RBPMS: variants seen among roughly 807,000 people sequenced by gnomAD.
RBPMS encodes the protein RNA-binding protein with multiple splicing.
RBPMS carries 7 observed loss-of-function variants against 26.8 expected under a neutral mutation model. That is an observed-to-expected ratio of 0.26 (90% CI 0.15 to 0.49). The LOEUF (loss-of-function observed/expected upper bound fraction) is 0.49. Ranked by LOEUF, RBPMS falls within the 20% of genes least tolerant of loss-of-function variation. The pLI is 0.98. For synonymous variants in RBPMS, 96 were observed against 93.3 expected (o/e 1.03, Z -0.17); for missense variants, 186 against 250.0 (o/e 0.74, Z 1.73).
Position 30,504,364 on chromosome 8 carries a change from A to C in RBPMS, c.325A>C (p.Lys109Gln). ...AKANTKMAKN[K>Q]LVGTPNPSTP... is the part of the protein sequence containing the mutation. ...GGCAAACACGAAGATGGCCAAGAACAAACTCGTAGGGACTCCAAACCCCAG... is the reference window on the plus strand; with the variant it reads ...GGCAAACACGAAGATGGCCAAGAACCAACTCGTAGGGACTCCAAACCCCAG... The change falls in exon 5 of 9, where the codon AAA (lysine) becomes CAA (glutamine). Residue 109 changes from lysine to glutamine, a missense_variant. Around this residue, in one of 3 missense-constraint regions of RBPMS, gnomAD observed 98 missense variants for 113.6 expected, o/e 0.86. Coordinates refer to ENST00000397323, the MANE Select transcript of RBPMS (RefSeq NM_001008710.3). The C allele has an allele frequency of 6.2e-7, 1 of 1,614,214 alleles. No individual in the cohort carries two copies. The highest frequency in any genetic ancestry group is 8.5e-7 in the Non-Finnish European group (1 of 1,180,002).
At chr8:30,547,332 G>T in intron 6 of RBPMS, 1 of 1,612,386 alleles carries the variant, frequency 6.2e-7, no homozygotes. Flanking sequence ...CCTGTCTTTT[G>T]TCCACTTCTC....
intron 1 of RBPMS, among the ~76,000 whole-genome samples, chr8:30,473,737 A>G (rs1408689173): frequency 6.6e-6 from 1 of 152,216 alleles, no homozygotes; most frequent in Non-Finnish European, 1.5e-5. Context: ...AATGTGGTAC[A>G]TATACACCAT....
At chr8:30,508,639 C>T (rs887526687) in intron 5 of RBPMS, among the ~76,000 whole-genome samples, 1 of 151,464 alleles carries the variant, frequency 6.6e-6, no homozygotes, top group Non-Finnish European at 1.5e-5. Flanking sequence ...TTTTTGGTAA[C>T]ATACCATAGT....
chr8:30,452,273 C>T (rs1356980905), intron 1 of RBPMS, among the ~76,000 whole-genome samples: 1 of 152,082 alleles, frequency 6.6e-6, no homozygotes. Context: ...GTCCAAGGTA[C>T]GGGAGAACTG....
At chr8:30,390,241 A>G (rs1807628533) in intron 1 of RBPMS, among the ~76,000 whole-genome samples, 1 of 152,228 alleles carries the variant, frequency 6.6e-6, no homozygotes, top group Non-Finnish European at 1.5e-5. Flanking sequence ...TATTCACAAA[A>G]CCGAGGTTGG....
At chr8:30,456,707 G>A (rs927650219) in intron 1 of RBPMS, among the ~76,000 whole-genome samples, 5 of 152,190 alleles carry the variant, frequency 3.3e-5, no homozygotes, top group Non-Finnish European at 7.3e-5. Flanking sequence ...GTATCATGAG[G>A]TCAGGAGTTT....
At chr8:30,452,858 T>A (rs1814750433) in intron 1 of RBPMS, among the ~76,000 whole-genome samples, 1 of 152,244 alleles carries the variant, frequency 6.6e-6, no homozygotes, top group Non-Finnish European at 1.5e-5. Flanking sequence ...CATTTAATAG[T>A]TACTGTTTGC....
intron 4 of RBPMS, among the ~76,000 whole-genome samples, chr8:30,496,690 ATGTT>A (rs1299039330): frequency 6.6e-6 from 1 of 152,208 alleles, no homozygotes; most frequent in African/African-American, 2.4e-5. Context: ...TATTTTAAAA[ATGTT>A]TGAGTGTCAC....
chr8:30,559,923 C>T (rs1827307551), intron 7 of RBPMS, among the ~76,000 whole-genome samples: 1 of 152,094 alleles, frequency 6.6e-6, no homozygotes, highest in South Asian at 2.1e-4. Flanking sequence ...TCTTTTTGTA[C>T]CATTAATACT....
intron 5 of RBPMS, among the ~76,000 whole-genome samples, chr8:30,528,152 G>T (rs909199806): frequency 6.6e-6 from 1 of 151,576 alleles, no homozygotes; most frequent in South Asian, 2.1e-4. Flanking sequence ...TCCAGCCTGG[G>T]CAACAAGAGC....
chr8:30,415,538 GC>G (rs1809960847), intron 1 of RBPMS, among the ~76,000 whole-genome samples: 3 of 152,182 alleles, frequency 2.0e-5, no homozygotes, highest in Non-Finnish European at 4.4e-5. Context: ...TTCTGATAAT[GC>G]ATCATCTCTT....
intron 6 of RBPMS, chr8:30,555,911 C>T (rs552735562): frequency 2.1e-5 from 21 of 984,750 alleles, no homozygotes; most frequent in Non-Finnish European, 2.4e-5. Flanking sequence ...CTTGTTCCCC[C>T]CCACCGGGCC....
intron 1 of RBPMS, among the ~76,000 whole-genome samples, chr8:30,392,716 G>A (rs1563279891): frequency 1.3e-5 from 2 of 152,196 alleles, no homozygotes; most frequent in East Asian, 1.9e-4. Flanking sequence ...TCAGATGTGC[G>A]GGAGAGAAGG....
chr8:30,531,427 A>G (rs755001545), intron 5 of RBPMS, among the ~76,000 whole-genome samples: 1 of 152,222 alleles, frequency 6.6e-6, no homozygotes, highest in Non-Finnish European at 1.5e-5. Flanking sequence ...CTGACAGGCA[A>G]CCTTTTAGTG....
At chr8:30,551,489 A>G (rs1237237647) in intron 6 of RBPMS, among the ~76,000 whole-genome samples, 1 of 151,874 alleles carries the variant, frequency 6.6e-6, no homozygotes, top group Non-Finnish European at 1.5e-5. Context: ...GGGCACCATT[A>G]CTCTCCATTA....
chr8:30,489,225 T>G (rs1819115450), intron 4 of RBPMS, among the ~76,000 whole-genome samples: 1 of 151,842 alleles, frequency 6.6e-6, no homozygotes, highest in African/African-American at 2.4e-5. Flanking sequence ...TTTTTTATGT[T>G]TTGTAGAAGT....
intron 4 of RBPMS, among the ~76,000 whole-genome samples, chr8:30,483,906 TG>T (rs1397251528): frequency 2.8e-4 from 43 of 152,218 alleles, no homozygotes; most frequent in African/African-American, 9.2e-4. Context: ...TCATCCACGC[TG>T]TGGCATTTAC....
rs1485606124 is a variant in RBPMS, at chr8:30,385,089, G to A, written c.-4G>A. ...GCCCGGCCCGGCGAGGAAGGACCGG[G>A]AAGATGAACAACGGCGGCAAAGCCG... On this transcript the variant is annotated 5_prime_UTR_variant, in exon 1 of 9. Coordinates refer to ENST00000397323, the MANE Select transcript of RBPMS (RefSeq NM_001008710.3). The A allele has an allele frequency of 2.2e-5, 33 of 1,519,868 alleles. No individual in the cohort carries two copies. Among genetic ancestry groups the A allele is most frequent in the Non-Finnish European group, 2.7e-5 (31 of 1,134,674 alleles). The allele number at this position is 1,519,868 out of a possible 1,614,324, so 94.1% of individuals were successfully genotyped here.
intron 6 of RBPMS, chr8:30,556,697 C>T (rs908633813): frequency 2.8e-5 from 28 of 986,034 alleles, no homozygotes; most frequent in South Asian, 1.4e-4. Flanking sequence ...TCTGTGTCCC[C>T]GCCCCGTCCT....
Sources: gnomAD v4.1 joint callset for allele counts (sites outside exome capture counted in the v4.1 genomes callset) on GRCh38, gnomAD v4.1.1 for gene constraint, gnomAD v4.1.1 regional missense constraint, MANE v1.5 for transcripts, NCBI Gene and HGNC (gene_info 2026-07-23, HGNC 2026-07-21) for gene names.